Variants in ADGRL3 observed in about 807,000 individuals in gnomAD.
ADGRL3 encodes adhesion G protein-coupled receptor L3, also known as calcium-independent alpha-latrotoxin receptor 3.
A neutral mutation model predicts 153.5 loss-of-function variants in ADGRL3; 62 were observed. The ratio of observed to expected loss-of-function variants is 0.40; its 90% CI spans 0.33 to 0.50. The LOEUF (loss-of-function observed/expected upper bound fraction) is 0.50, where lower values mean the gene tolerates loss of function less well. Among genes scored for constraint, ADGRL3 ranks in the 20% least tolerant of loss-of-function variants. ADGRL3 has a pLI of 0.47. For synonymous variants in ADGRL3, 710 were observed against 672.5 expected, an observed-to-expected ratio of 1.06 and a Z score of -0.86; for missense variants, 1,641 against 1,859.4, an observed-to-expected ratio of 0.88 and a Z score of 2.16.
chr4:61,939,255 C>A (rs141826866), intron 15 of ADGRL3, among the ~76,000 whole-genome samples: 1 of 152,094 alleles, frequency 6.6e-6, no homozygotes, highest in African/African-American at 2.4e-5. Context: ...AAATAATTTA[C>A]ATACACTAAA....
intron 8 of ADGRL3, among the ~76,000 whole-genome samples, chr4:61,746,564 C>T (rs1490318936): frequency 1.3e-5 from 2 of 152,094 alleles, no homozygotes; most frequent in Non-Finnish European, 2.9e-5. Context: ...CACTCAAAAC[C>T]ACTCAACTAC....
At chr4:61,306,867 A>G (rs1344933460) in intron 1 of ADGRL3, among the ~76,000 whole-genome samples, 1 of 152,228 alleles carries the variant, frequency 6.6e-6, no homozygotes, top group African/African-American at 2.4e-5. Context: ...AGAACTTTAT[A>G]TTATAGAGCA....
At chr4:61,971,967 A>G (rs12644633) in intron 17 of ADGRL3, among the ~76,000 whole-genome samples, 136,350 of 152,002 alleles carry the variant, frequency 0.9, 61,435 homozygotes, top group Non-Finnish European at 0.95. Context: ...TTTGAGAAGT[A>G]TCTGTTCATA....
chr4:61,220,340 T>G (rs1744911297), intron 1 of ADGRL3, among the ~76,000 whole-genome samples: 1 of 152,166 alleles, frequency 6.6e-6, no homozygotes, highest in Non-Finnish European at 1.5e-5. Flanking sequence ...TCATGATACT[T>G]AGTGATTTAG....
chr4:61,863,326 C>T (rs1370810457), intron 9 of ADGRL3, among the ~76,000 whole-genome samples: 41 of 148,496 alleles, frequency 2.8e-4, no homozygotes, highest in Non-Finnish European at 3.0e-5. Context: ...CAAGCTCCGC[C>T]TCCCGGGTTC....
intron 25 of ADGRL3, among the ~76,000 whole-genome samples, chr4:62,051,866 A>G (rs866612684): frequency 2.0e-5 from 3 of 151,806 alleles, no homozygotes; most frequent in Admixed American, 6.6e-5. Context: ...AAATATTACT[A>G]TTTGTTTCAT....
intron 8 of ADGRL3, among the ~76,000 whole-genome samples, chr4:61,787,953 A>C (rs1351952414): frequency 6.6e-6 from 1 of 152,166 alleles, no homozygotes; most frequent in Non-Finnish European, 1.5e-5. Context: ...TGAAGAAAGC[A>C]ATAAGGTTAA....
At position 61,268,885 on chromosome 4, in the gene ADGRL3, C is replaced by G. The variant is rs1342402294; in HGVS notation, c.-240+67120C>G. Among the ~76,000 whole-genome samples the G allele has an allele frequency of 5.9e-5, 9 of 151,462 alleles. No homozygotes were observed. The Admixed American group carries it at 5.9e-4, about 10-fold the overall frequency. On this transcript the variant is annotated intron_variant, in intron 1 of 26. Coordinates refer to ENST00000683033, the MANE Select transcript of ADGRL3 (RefSeq NM_001387552.1). ...GGGACATTTATGTATTTGGAGAGCACTATTGGGAAAATAAGTAATTGCGTC... is the reference window on the plus strand; with the variant it reads ...GGGACATTTATGTATTTGGAGAGCAGTATTGGGAAAATAAGTAATTGCGTC...
intron 1 of ADGRL3, among the ~76,000 whole-genome samples, chr4:61,232,657 G>A (rs1751216603): frequency 6.6e-6 from 1 of 152,018 alleles, no homozygotes; most frequent in Non-Finnish European, 1.5e-5. Context: ...TTAAAGTGGG[G>A]TAATAATAGC....
At chr4:61,561,371 A>G (rs1211429578) in intron 4 of ADGRL3, among the ~76,000 whole-genome samples, 1 of 152,196 alleles carries the variant, frequency 6.6e-6, no homozygotes, top group Non-Finnish European at 1.5e-5. Flanking sequence ...TAATTGCTTC[A>G]AACTACATCT....
intron 2 of ADGRL3, among the ~76,000 whole-genome samples, chr4:61,415,484 T>C (rs1210307704): frequency 6.6e-6 from 1 of 152,064 alleles, no homozygotes; most frequent in Non-Finnish European, 1.5e-5. Context: ...TAGAAATTTA[T>C]TACACGAAAG....
intron 25 of ADGRL3, among the ~76,000 whole-genome samples, chr4:62,066,874 C>T (rs1251743019): frequency 6.6e-6 from 1 of 151,992 alleles, no homozygotes; most frequent in Non-Finnish European, 1.5e-5. Context: ...TTTCTGATCC[C>T]AGTTCTACCA....
intron 5 of ADGRL3, among the ~76,000 whole-genome samples, chr4:61,671,810 C>T (rs1000538672): frequency 1.3e-5 from 2 of 152,228 alleles, no homozygotes; most frequent in Non-Finnish European, 2.9e-5. Context: ...ATGTATGACT[C>T]ATTCTCCCAC....
At chr4:61,538,477 T>C (rs1343479208) in intron 4 of ADGRL3, among the ~76,000 whole-genome samples, 7 of 152,184 alleles carry the variant, frequency 4.6e-5, no homozygotes, top group African/African-American at 1.7e-4. Context: ...TTCGATCTTG[T>C]TGCCCAGGCT....
chr4:61,836,813 T>C (rs2148938903), intron 9 of ADGRL3, among the ~76,000 whole-genome samples: 1 of 152,242 alleles, frequency 6.6e-6, no homozygotes, highest in Non-Finnish European at 1.5e-5. Context: ...ACTTTGACTT[T>C]ATAAACATGT....
At chr4:61,722,661 A>T (rs2096262524) in intron 6 of ADGRL3, among the ~76,000 whole-genome samples, 1 of 152,344 alleles carries the variant, frequency 6.6e-6, no homozygotes, top group Non-Finnish European at 1.5e-5. Flanking sequence ...ACATGTAGAA[A>T]ATACGTCAAA....
chr4:61,338,306 A>G (rs181623869), intron 1 of ADGRL3, among the ~76,000 whole-genome samples: 8 of 151,966 alleles, frequency 5.3e-5, no homozygotes, highest in Admixed American at 3.9e-4. Context: ...CCATGACAAT[A>G]CAATACAGAA....
chr4:62,037,976 G>A (rs770383615), intron 24 of ADGRL3, 120 bp downstream of exon 24: 4 of 1,064,644 alleles, frequency 3.8e-6, no homozygotes, highest in Non-Finnish European at 5.6e-6. Flanking sequence ...TTGTTTCACT[G>A]TGTCTCACAT....
At chr4:61,839,357 AT>A (rs936271371) in intron 9 of ADGRL3, among the ~76,000 whole-genome samples, 76 of 149,646 alleles carry the variant, frequency 5.1e-4, no homozygotes, top group African/African-American at 1.5e-3. Context: ...TGCCCAGCTA[AT>A]TTTTTTTTTA....
Sources: allele counts gnomAD v4.1 joint callset (sites outside exome capture counted in the v4.1 genomes callset), GRCh38; gene constraint gnomAD v4.1.1; transcripts MANE v1.5; gene names NCBI Gene and HGNC (gene_info 2026-07-23, HGNC 2026-07-21).